The following ASCC3 variants were observed in gnomAD, a reference collection of about 807,000 sequenced individuals.
ASCC3 encodes the protein ASC-1 complex subunit P200.
A neutral mutation model predicts 256.3 loss-of-function variants in ASCC3; 158 were observed. That is an observed-to-expected ratio of 0.62 (90% CI 0.54 to 0.70). ASCC3 has a LOEUF of 0.70. Among genes scored for constraint, ASCC3 ranks in the 30% least tolerant of loss-of-function variants. The pLI is 0.00. For synonymous variants in ASCC3, 948 were observed against 883.4 expected (o/e 1.07, Z -1.30); for missense variants, 2,259 against 2,626.0 (o/e 0.86, Z 3.05).
chr6:100,860,202 A>G (rs909065726), intron 3 of ASCC3, among the ~76,000 whole-genome samples: 1 of 152,042 alleles, frequency 6.6e-6, no homozygotes, highest in African/African-American at 2.4e-5. Flanking sequence ...AAATATACTG[A>G]CAAAGTTTCA....
chr6:100,795,113 T>C (rs1769543362), intron 8 of ASCC3, among the ~76,000 whole-genome samples: 2 of 152,026 alleles, frequency 1.3e-5, no homozygotes, highest in Non-Finnish European at 2.9e-5. Context: ...AAGGAATTGG[T>C]TCAGAAATGA....
At chr6:100,770,626 G>C (rs1239503874) in intron 8 of ASCC3, among the ~76,000 whole-genome samples, 1 of 152,036 alleles carries the variant, frequency 6.6e-6, no homozygotes, top group Non-Finnish European at 1.5e-5. Context: ...TAAAGCTAAT[G>C]TGTGAATTCA....
At chr6:100,734,938 G>A (rs1297927641) in intron 10 of ASCC3, among the ~76,000 whole-genome samples, 1 of 152,178 alleles carries the variant, frequency 6.6e-6, no homozygotes, top group African/African-American at 2.4e-5. Flanking sequence ...AGAACACATT[G>A]ATTGATACCA....
chr6:100,663,724 A>G (rs911115964), intron 14 of ASCC3, among the ~76,000 whole-genome samples: 1 of 152,180 alleles, frequency 6.6e-6, no homozygotes, highest in Admixed American at 6.6e-5. Context: ...GTGAAATTAC[A>G]AAGAAGAAAA....
rs199632200 is a variant in ASCC3, at chr6:100,634,864, C to CAAAA, written c.4123-3655_4123-3652dup. ...AGCGAGACCCCATCTCCTCAAAAAA[C>CAAAA]AAAAAAAAAAAAAAAAAAGAAAAGA... On this transcript the variant is annotated intron_variant, in intron 25 of 41. Coordinates refer to ENST00000369162, the MANE Select transcript of ASCC3 (RefSeq NM_006828.4). Among the ~76,000 whole-genome samples, 62 of 119,326 alleles carry CAAAA rather than the reference C, an allele frequency of 5.2e-4. 1 individual carries two copies. Among genetic ancestry groups the CAAAA allele is most frequent in the African/African-American group, 9.4e-4 (27 of 28,590 alleles). 78.3% of individuals were successfully genotyped at this position (119,326 alleles called of 152,430 possible). A position where few individuals can be genotyped will look rare whatever the true frequency, so the allele number is the denominator to read the frequency against.
intron 26 of ASCC3, among the ~76,000 whole-genome samples, chr6:100,630,487 T>G (rs1774484006): frequency 6.6e-6 from 1 of 151,538 alleles, no homozygotes; most frequent in South Asian, 2.1e-4. Context: ...TTTTTGTTTT[T>G]TTTTTTTACA....
chr6:100,796,856 TTAAAAC>T (rs1769642107), intron 8 of ASCC3, among the ~76,000 whole-genome samples: 1 of 152,064 alleles, frequency 6.6e-6, no homozygotes. Context: ...GGTGAATAGT[TTAAAAC>T]AAAAACAAAA....
chr6:100,586,790 C>G (rs115060591), intron 36 of ASCC3, among the ~76,000 whole-genome samples: 1 of 151,806 alleles, frequency 6.6e-6, no homozygotes, highest in East Asian at 1.9e-4. Context: ...TTATTAATAC[C>G]CCCAAATCCT....
Position 100,864,168 on chromosome 6 carries a change from G to T in ASCC3, c.137C>A (p.Thr46Lys), listed in dbSNP as rs752591049. ...CAAAAATTTTATTATCTTCTTCCAT[G>T]TCAGGCCCAAATCTAAAACTTGTTC... ...LHEQVLDLGL[T>K]WKKIIKFLNE... The change falls in exon 3 of 42, where the codon ACA becomes AAA. Residue 46 changes from threonine (T) to lysine (K), a missense_variant. By Grantham distance (78) the Thr-to-Lys change is moderately conservative (BLOSUM62 -1). Around this residue, in one of 2 missense-constraint regions of ASCC3, gnomAD observed 420 missense variants for 419.3 expected, o/e 1.00. Coordinates refer to ENST00000369162, the MANE Select transcript of ASCC3 (RefSeq NM_006828.4). 4 of 1,607,122 alleles carry T rather than the reference G, an allele frequency of 2.5e-6. No individual in the cohort carries two copies. In the South Asian group the frequency reaches 4.4e-5, roughly 18 times the overall value.
At chr6:100,589,164 A>C (rs376504217) in intron 36 of ASCC3, among the ~76,000 whole-genome samples, 36 of 152,190 alleles carry the variant, frequency 2.4e-4, no homozygotes, top group Middle Eastern at 3.4e-3. Context: ...TTTTTTGGTA[A>C]GGGTGTTTGT....
At chr6:100,734,716 A>G (rs753109023) in intron 10 of ASCC3, among the ~76,000 whole-genome samples, 1 of 152,204 alleles carries the variant, frequency 6.6e-6, no homozygotes, top group Non-Finnish European at 1.5e-5. Context: ...ATTAACTGGT[A>G]AAGACACATC....
intron 16 of ASCC3, among the ~76,000 whole-genome samples, chr6:100,656,359 A>G (rs1039624679): frequency 1.3e-5 from 2 of 151,688 alleles, no homozygotes; most frequent in African/African-American, 4.8e-5. Flanking sequence ...ATATGAATAC[A>G]ATAAAAAATT....
At chr6:100,704,443 T>C (rs1220231160) in intron 13 of ASCC3, among the ~76,000 whole-genome samples, 2 of 152,022 alleles carry the variant, frequency 1.3e-5, no homozygotes, top group African/African-American at 4.8e-5. Context: ...CTGGAGAATA[T>C]AAACTTTATA....
chr6:100,821,608 A>C (rs918459299), intron 4 of ASCC3, among the ~76,000 whole-genome samples: 1 of 152,034 alleles, frequency 6.6e-6, no homozygotes, highest in Non-Finnish European at 1.5e-5. Flanking sequence ...GGTGGATCAC[A>C]AGGTCAGGAG....
At chr6:100,752,283 G>A (rs1780975748) in intron 10 of ASCC3, among the ~76,000 whole-genome samples, 1 of 152,024 alleles carries the variant, frequency 6.6e-6, no homozygotes, top group African/African-American at 2.4e-5. Context: ...CCATGTAAAA[G>A]AGATTAAATC....
At chr6:100,811,285 C>T (rs1040764548) in intron 4 of ASCC3, among the ~76,000 whole-genome samples, 1 of 152,158 alleles carries the variant, frequency 6.6e-6, no homozygotes, top group East Asian at 1.9e-4. Context: ...TAAATTATAG[C>T]TCCGATAAGA....
At chr6:100,804,394 A>G (rs138662454) in intron 5 of ASCC3, among the ~76,000 whole-genome samples, 86 of 152,228 alleles carry the variant, frequency 5.6e-4, no homozygotes, top group Middle Eastern at 3.4e-3. Flanking sequence ...CCTGGCCCAT[A>G]GTAAGTATAT....
intron 32 of ASCC3, 136 bp downstream of exon 32, chr6:100,606,604 T>G: frequency 5.1e-6 from 5 of 975,702 alleles, no homozygotes; most frequent in Non-Finnish European, 7.3e-6. Context: ...AAAAAGTCTA[T>G]AATTGCTTAT....
chr6:100,627,081 T>C (rs1223160815), intron 29 of ASCC3, among the ~76,000 whole-genome samples: 2 of 152,168 alleles, frequency 1.3e-5, no homozygotes, highest in Non-Finnish European at 2.9e-5. Flanking sequence ...TATTTTTAAT[T>C]GATATAATAA....
Sources: gnomAD v4.1 joint callset for allele counts (sites outside exome capture counted in the v4.1 genomes callset) on GRCh38, gnomAD v4.1.1 for gene constraint, gnomAD v4.1.1 regional missense constraint, MANE v1.5 for transcripts, NCBI Gene and HGNC (gene_info 2026-07-23, HGNC 2026-07-21) for gene names.